The following ZNF407 variants were observed in gnomAD, a reference collection of about 807,000 sequenced individuals.
The protein encoded by ZNF407 is zinc finger protein 407.
In ZNF407, 17 loss-of-function variants were observed where a neutral mutation model predicts 131.2. That is an observed-to-expected ratio of 0.13 (90% confidence interval 0.09 to 0.19). ZNF407 has a LOEUF of 0.19. Ranked by LOEUF, ZNF407 falls within the 10% of genes least tolerant of loss-of-function variation. ZNF407 has a pLI of 1.00. For synonymous variants in ZNF407, 1,156 were observed against 1,062.0 expected (o/e 1.09, Z -1.72); for missense variants, 2,681 against 2,830.6 (o/e 0.95, Z 1.20).
chr18:74,652,739 A>G (rs1466517993), intron 3 of ZNF407, among the ~76,000 whole-genome samples: 5 of 145,928 alleles, frequency 3.4e-5, no homozygotes, highest in Non-Finnish European at 6.0e-5. Context: ...ACAAAGAACT[A>G]TTGGCAAAAC....
chr18:74,672,707 T>C (rs1010472639), intron 3 of ZNF407, among the ~76,000 whole-genome samples: 2 of 152,208 alleles, frequency 1.3e-5, no homozygotes, highest in African/African-American at 4.8e-5. Context: ...CTTGGGTTGC[T>C]TCTACTGCTT....
At chr18:75,057,312 C>T (rs1804791971) in intron 8 of ZNF407, among the ~76,000 whole-genome samples, 1 of 152,206 alleles carries the variant, frequency 6.6e-6, no homozygotes, top group African/African-American at 2.4e-5. Context: ...TCTCACCCCA[C>T]GACACGTCTT....
At chr18:74,963,552 C>G (rs1172045131) in intron 8 of ZNF407, among the ~76,000 whole-genome samples, 14 of 152,108 alleles carry the variant, frequency 9.2e-5, no homozygotes, top group Admixed American at 9.2e-4. Flanking sequence ...ATAAAGAACT[C>G]TCAGTTTTCT....
intron 7 of ZNF407, among the ~76,000 whole-genome samples, chr18:74,891,393 C>T (rs1370336411): frequency 6.6e-6 from 1 of 152,156 alleles, no homozygotes. Flanking sequence ...GTATGTTAAG[C>T]CTGAAACCTT....
chr18:74,628,960 A>G (rs1407511508), intron 1 of ZNF407, among the ~76,000 whole-genome samples: 2 of 152,148 alleles, frequency 1.3e-5, no homozygotes, highest in East Asian at 3.9e-4. Flanking sequence ...TCCATTGACA[A>G]ACATTTGGGT....
At chr18:74,618,510 T>A (rs1983404175) in intron 1 of ZNF407, among the ~76,000 whole-genome samples, 1 of 152,202 alleles carries the variant, frequency 6.6e-6, no homozygotes, top group African/African-American at 2.4e-5. Flanking sequence ...TGATGTTCAT[T>A]TGTGGAGTTC....
chr18:74,848,206 T>C (rs1599194359), intron 4 of ZNF407, among the ~76,000 whole-genome samples: 2 of 152,208 alleles, frequency 1.3e-5, no homozygotes, highest in South Asian at 2.1e-4. Flanking sequence ...AATAATGATA[T>C]GAATTGAGAA....
chr18:74,671,495 TC>T (rs1350228320), intron 3 of ZNF407, among the ~76,000 whole-genome samples: 1 of 152,164 alleles, frequency 6.6e-6, no homozygotes, highest in Non-Finnish European at 1.5e-5. Context: ...TTTTTTCTGT[TC>T]CTCTCCCTCC....
chr18:74,948,660 A>G (rs1972181120), intron 8 of ZNF407, among the ~76,000 whole-genome samples: 1 of 152,206 alleles, frequency 6.6e-6, no homozygotes, highest in Non-Finnish European at 1.5e-5. Flanking sequence ...TCACATCCAT[A>G]TGACATCAAT....
intron 4 of ZNF407, among the ~76,000 whole-genome samples, chr18:74,819,478 C>T (rs1055465787): frequency 2.6e-5 from 4 of 152,178 alleles, no homozygotes; most frequent in Non-Finnish European, 5.9e-5. Flanking sequence ...CCTACATGAT[C>T]ACCCCAATGT....
intron 4 of ZNF407, among the ~76,000 whole-genome samples, chr18:74,805,584 A>G (rs1474624645): frequency 1.3e-5 from 2 of 152,196 alleles, no homozygotes; most frequent in Non-Finnish European, 2.9e-5. Flanking sequence ...TAATGGGAAG[A>G]GTAAAAATAT....
At chr18:75,006,433 T>G (rs1343763364) in intron 8 of ZNF407, among the ~76,000 whole-genome samples, 1 of 152,218 alleles carries the variant, frequency 6.6e-6, no homozygotes, top group Admixed American at 6.5e-5. Context: ...CCAAGTAATG[T>G]CTTAGCTGCA....
chr18:74,845,527 A>C (rs1970690680), intron 4 of ZNF407, among the ~76,000 whole-genome samples: 1 of 152,240 alleles, frequency 6.6e-6, no homozygotes, highest in Non-Finnish European at 1.5e-5. Context: ...TTTATTTCTT[A>C]GTTGTTTATT....
intron 3 of ZNF407, among the ~76,000 whole-genome samples, chr18:74,732,746 C>T (rs138956729): frequency 2.6e-3 from 402 of 152,254 alleles, no homozygotes; most frequent in African/African-American, 8.8e-3. Context: ...CCCCCAAAAT[C>T]GAAATAACTA....
At chr18:74,755,339 T>C (rs987334969) in intron 3 of ZNF407, among the ~76,000 whole-genome samples, 2 of 152,130 alleles carry the variant, frequency 1.3e-5, no homozygotes, top group Admixed American at 1.3e-4. Context: ...ATTTAGCCCA[T>C]TTACATTTAA....
At chr18:74,804,069 A>C in intron 4 of ZNF407, 1 of 1,551,494 alleles carries the variant, frequency 6.4e-7, no homozygotes, top group Non-Finnish European at 8.7e-7. Context: ...ACTTTTCATA[A>C]CTGATGGGAC....
At chr18:74,775,270 A>G (rs888825872) in intron 3 of ZNF407, among the ~76,000 whole-genome samples, 3 of 152,090 alleles carry the variant, frequency 2.0e-5, no homozygotes, top group African/African-American at 7.2e-5. Context: ...ATTCCACTCC[A>G]CCCTTCACAC....
At chr18:74,777,835 A>T (rs1416917827) in intron 3 of ZNF407, among the ~76,000 whole-genome samples, 1 of 151,930 alleles carries the variant, frequency 6.6e-6, no homozygotes, top group Non-Finnish European at 1.5e-5. Context: ...TAATCCCAGG[A>T]CTTTGGGACT....
At chr18:74,820,979 G>A (rs1970332398) in intron 4 of ZNF407, among the ~76,000 whole-genome samples, 1 of 152,056 alleles carries the variant, frequency 6.6e-6, no homozygotes, top group Non-Finnish European at 1.5e-5. Flanking sequence ...GTAGGCAGAA[G>A]GCTAAGAATG....
Sources: gnomAD v4.1 joint callset for allele counts (sites outside exome capture counted in the v4.1 genomes callset) on GRCh38, gnomAD v4.1.1 for gene constraint, MANE v1.5 for transcripts, NCBI Gene and HGNC (gene_info 2026-07-23, HGNC 2026-07-21) for gene names.